TFDP1: variants seen among roughly 807,000 people sequenced by gnomAD.
TFDP1 encodes transcription factor Dp-1, also known as DRTF1-polypeptide 1.
In TFDP1, 6 loss-of-function variants were observed where a neutral mutation model predicts 48.0. That is an observed-to-expected ratio of 0.13 (90% CI 0.07 to 0.25). TFDP1 has a LOEUF of 0.25. TFDP1 is among the 10% of genes least tolerant of loss of function. The pLI is 1.00. For missense variants in TFDP1, 335 were observed against 543.0 expected, an observed-to-expected ratio of 0.62 and a Z score of 3.81; for synonymous variants, 201 against 211.6, an observed-to-expected ratio of 0.95 and a Z score of 0.44.
chr13:113,599,634 G>A (rs2048362440), intron 2 of TFDP1, among the ~76,000 whole-genome samples: 2 of 152,188 alleles, frequency 1.3e-5, no homozygotes, highest in East Asian at 3.8e-4. Flanking sequence ...TTGGATCAGT[G>A]TCCTGATAGC....
chr13:113,629,380 A>G (rs1001473898), intron 4 of TFDP1, among the ~76,000 whole-genome samples: 46 of 152,300 alleles, frequency 3.0e-4, no homozygotes, highest in Non-Finnish European at 5.4e-4. Flanking sequence ...GGTGAGCACC[A>G]TTGAGCACCT....
rs536039357 is a variant in TFDP1, at chr13:113,606,961, T to C, written c.13-4035T>C. Among the ~76,000 whole-genome samples, 149 of 152,332 alleles carry C rather than the reference T, an allele frequency of 9.8e-4. 1 individual carries two copies. Among genetic ancestry groups the C allele is most frequent in the African/African-American group, 3.4e-3 (140 of 41,582 alleles). The stretch of plus-strand genomic sequence containing the variant: ...TAGTTGGAAATTAAGGTTGAGACTG[T>C]AGCCAGGTGTGCATTTATTCATCCG... On this transcript the variant is annotated intron_variant, in intron 2 of 11. Coordinates refer to ENST00000375370, the MANE Select transcript of TFDP1 (RefSeq NM_007111.5).
At chr13:113,625,392 G>GTC (rs1173139796) in intron 4 of TFDP1, among the ~76,000 whole-genome samples, 22 of 64,550 alleles carry the variant, frequency 3.4e-4, no homozygotes, top group South Asian at 1.1e-3. Context: ...GTCCTCAGGC[G>GTC]TCTCACGTGT....
In TFDP1 at chr13:113,635,915, C is replaced by T. The variant is rs551460161; in HGVS notation, c.688-62C>T. On this transcript the variant is annotated intron_variant, in intron 8 of 11. Transcript: ENST00000375370. ...CGCAGGGAGGGCTGTGAGGACCCCTCGAGCACAGGGGCTGCGTTCTTGTGC... is the reference window on the plus strand; with the variant it reads ...CGCAGGGAGGGCTGTGAGGACCCCTTGAGCACAGGGGCTGCGTTCTTGTGC... The T allele has an allele frequency of 5.6e-5, 88 of 1,564,530 alleles. No homozygotes were observed. The South Asian group carries it at 6.9e-4, about 12-fold the overall frequency.
At chr13:113,635,863 C>G in intron 8 of TFDP1, 114 bp from the exon 9 acceptor site, 1 of 1,273,374 alleles carries the variant, frequency 7.9e-7, no homozygotes, top group Non-Finnish European at 1.1e-6. Flanking sequence ...TTCAGATGTC[C>G]AGGCCAACTC....
Position 113,633,089 on chromosome 13 carries a change from A to AGTC in TFDP1, c.309-29_309-27dup, listed in dbSNP as rs754774850. On this transcript the variant is annotated intron_variant, in intron 5 of 11. Transcript: ENST00000375370. The surrounding 1 kb of genome is among the most constrained non-coding windows in gnomAD (Gnocchi z 4.5). ...CAGGCTGATCCTCAGGAGGGCTGAC[A>AGTC]GTCGCTTCTCTTTTCCTTTGTATTT... is the stretch of plus-strand genomic sequence containing the variant. 2.5e-6 allele frequency: 4 copies of AGTC among 1,613,142 alleles called. No homozygotes were observed. Among genetic ancestry groups the AGTC allele is most frequent in the Admixed American group, 3.3e-5 (2 of 59,856 alleles).
In TFDP1 at chr13:113,640,406, G is replaced by A. The variant is rs1028271822; in HGVS notation, c.*139G>A. On this transcript the variant is annotated 3_prime_UTR_variant, in exon 12 of 12. Coordinates refer to ENST00000375370, the MANE Select transcript of TFDP1 (RefSeq NM_007111.5). The stretch of plus-strand genomic sequence containing the variant: ...CTATTGAATTTAGATATGCACCTCT[G>A]ATAAGCAAGGATTGTTTCCCGTAGG... 48 of 1,374,758 alleles carry A rather than the reference G, an allele frequency of 3.5e-5. No individual in the cohort carries two copies. In the African/African-American group the frequency reaches 6.5e-4, roughly 19 times the overall value. The allele number at this position is 1,374,758 out of a possible 1,614,324, so 85.2% of individuals were successfully genotyped here.
chr13:113,640,343 G>C lies in TFDP1; in HGVS notation c.*76G>C, dbSNP rs2049613192. ...ACTTTTTTTTTAATGTGGGTTTTCT[G>C]TTTCCTTTTGGCCTACTCCCAAGAA... is the stretch of plus-strand genomic sequence containing the variant. On this transcript the variant is annotated 3_prime_UTR_variant, in exon 12 of 12. Transcript: ENST00000375370. 1.3e-6 allele frequency: 2 copies of C among 1,529,836 alleles called. No individual in the cohort carries two copies. The highest frequency in any genetic ancestry group is 2.8e-5 in the African/African-American group (2 of 71,980). The allele number at this position is 1,529,836 out of a possible 1,614,324, so 94.8% of individuals were successfully genotyped here. A position where few individuals can be genotyped will look rare whatever the true frequency, so the allele number is the denominator to read the frequency against.
chr13:113,624,826 C>T (rs940597904), intron 4 of TFDP1, among the ~76,000 whole-genome samples: 16 of 142,294 alleles, frequency 1.1e-4, no homozygotes, highest in Non-Finnish European at 1.8e-4. Flanking sequence ...GTGTCTCTCA[C>T]GTGTCCTCAG....
rs2049608786 is a variant in TFDP1, at chr13:113,640,216, GGAGGACGAC to G, written c.1188_1196del (p.Asp396_Glu398del). On this transcript the variant is annotated inframe_deletion, in exon 12 of 12. Transcript: ENST00000375370. ...TGGAGACTCCGGTGTCCTACGTCGG[GGAGGACGAC>G]GAGGAGGACGATGACTTCAACGAGA... is the stretch of plus-strand genomic sequence containing the variant. The G allele has an allele frequency of 1.2e-6, 2 of 1,613,288 alleles. No homozygotes were observed. The highest frequency in any genetic ancestry group is 1.7e-6 in the Non-Finnish European group (2 of 1,179,678).
At chr13:113,594,705 C>T (rs1208278058) in intron 2 of TFDP1, among the ~76,000 whole-genome samples, 1 of 152,218 alleles carries the variant, frequency 6.6e-6, no homozygotes, top group African/African-American at 2.4e-5. Context: ...TACTGAGTGA[C>T]CTGCGTGTGC....
At chr13:113,615,312 T>G (rs534545092) in intron 3 of TFDP1, among the ~76,000 whole-genome samples, 1 of 152,362 alleles carries the variant, frequency 6.6e-6, no homozygotes, top group African/African-American at 2.4e-5. Context: ...GCTTTCTGTG[T>G]CACAGGTGGG....
At chr13:113,619,261 T>G (rs2140455657) in intron 3 of TFDP1, among the ~76,000 whole-genome samples, 1 of 152,108 alleles carries the variant, frequency 6.6e-6, no homozygotes, top group South Asian at 2.1e-4. Flanking sequence ...TCACCAGAGG[T>G]CAGGCGTTCA....
intron 3 of TFDP1, among the ~76,000 whole-genome samples, chr13:113,616,334 G>C (rs1016138917): frequency 6.6e-6 from 1 of 152,112 alleles, no homozygotes; most frequent in African/African-American, 2.4e-5. Context: ...GACCCTTCCA[G>C]TCACGGTTTC....
intron 3 of TFDP1, among the ~76,000 whole-genome samples, chr13:113,614,102 A>G (rs2048792383): frequency 6.7e-6 from 1 of 148,964 alleles, no homozygotes; most frequent in Non-Finnish European, 1.5e-5. Flanking sequence ...AGTTGTGTGC[A>G]TATGCACGTG....
intron 2 of TFDP1, among the ~76,000 whole-genome samples, chr13:113,600,028 C>T (rs1019686321): frequency 1.4e-5 from 2 of 147,202 alleles, no homozygotes; most frequent in Non-Finnish European, 3.0e-5. Context: ...GTATGTAGGG[C>T]TCCAGAACCG....
chr13:113,588,934 GTGT>G lies in TFDP1; in HGVS notation c.12+3089_12+3091del, dbSNP rs534645847. Among the ~76,000 whole-genome samples the G allele has an allele frequency of 9.8e-4, 149 of 152,016 alleles. 1 individual carries two copies. The highest frequency in any genetic ancestry group is 3.4e-3 in the African/African-American group (140 of 41,460). ...AGTTGGTAGAGTGAGTGTGGTGATGGTGTTGTGGGTGGAGAGTGAGTGATGGTA... is the reference window on the plus strand; with the variant it reads ...AGTTGGTAGAGTGAGTGTGGTGATGGTGTGGGTGGAGAGTGAGTGATGGTA... On this transcript the variant is annotated intron_variant, in intron 2 of 11. Coordinates refer to ENST00000375370, the MANE Select transcript of TFDP1 (RefSeq NM_007111.5).
At chr13:113,599,967 T>C (rs150752574) in intron 2 of TFDP1, among the ~76,000 whole-genome samples, 7 of 151,228 alleles carry the variant, frequency 4.6e-5, no homozygotes, top group African/African-American at 1.7e-4. Context: ...TCCTTGCACG[T>C]AGGGCTCCAG....
At chr13:113,590,219 C>T (rs1440985835) in intron 2 of TFDP1, among the ~76,000 whole-genome samples, 1 of 152,170 alleles carries the variant, frequency 6.6e-6, no homozygotes, top group Non-Finnish European at 1.5e-5. Flanking sequence ...GTTGTGAAAG[C>T]CGTTCTGTGG....
Sources: gnomAD v4.1 joint callset for allele counts (sites outside exome capture counted in the v4.1 genomes callset) on GRCh38, gnomAD v4.1.1 for gene constraint, Gnocchi (gnomAD v3.1) non-coding constraint, MANE v1.5 for transcripts, NCBI Gene and HGNC (gene_info 2026-07-23, HGNC 2026-07-21) for gene names.